The following ZNF365 variants were observed in gnomAD, a reference collection of about 807,000 sequenced individuals.
ZNF365 encodes the protein protein ZNF365.
ZNF365 carries 22 observed loss-of-function variants against 35.0 expected under a neutral mutation model. That is an observed-to-expected ratio of 0.63 (90% CI 0.45 to 0.90). ZNF365 has a LOEUF of 0.90. Among genes scored for constraint, ZNF365 ranks in the 40% least tolerant of loss-of-function variants. The pLI is 0.00. For synonymous variants in ZNF365, 188 were observed against 196.2 expected (o/e 0.96, Z 0.35); for missense variants, 448 against 500.3 (o/e 0.90, Z 1.00).
At chr10:62,417,836 T>C (rs1175717570) in intron 3 of ZNF365, among the ~76,000 whole-genome samples, 2 of 151,972 alleles carry the variant, frequency 1.3e-5, no homozygotes, top group African/African-American at 4.8e-5. Flanking sequence ...TTAAAAAGAC[T>C]GACTTTTTGT....
chr10:62,440,865 T>C (rs1404192266), intron 3 of ZNF365, among the ~76,000 whole-genome samples: 1 of 152,198 alleles, frequency 6.6e-6, no homozygotes, highest in African/African-American at 2.4e-5. Context: ...ATTAGATATT[T>C]AGTAAATAAC....
chr10:62,442,141 A>G (rs927530130), intron 3 of ZNF365, among the ~76,000 whole-genome samples: 1 of 152,216 alleles, frequency 6.6e-6, no homozygotes, highest in Non-Finnish European at 1.5e-5. Flanking sequence ...AGAGCCTTAT[A>G]TGGAAACAGA....
intron 4 of ZNF365, among the ~76,000 whole-genome samples, chr10:62,476,689 C>A (rs192679208): frequency 3.9e-5 from 6 of 152,304 alleles, no homozygotes; most frequent in African/African-American, 1.4e-4. Flanking sequence ...ATGCATAAGT[C>A]AAATGGTTAA....
At chr10:62,445,705 C>G (rs897057432) in intron 3 of ZNF365, among the ~76,000 whole-genome samples, 35 of 152,282 alleles carry the variant, frequency 2.3e-4, no homozygotes, top group Admixed American at 4.6e-4. Flanking sequence ...ACCATTTTCT[C>G]TACTTTTGTG....
Position 62,401,761 on chromosome 10 carries a change from A to G in ZNF365, c.*1972A>G. The stretch of plus-strand genomic sequence containing the variant: ...TGCAATGACAACTTGTTTCTGTTTT[A>G]TTTAAAGTAACTGACATTTTGGATT... On this transcript the variant is annotated 3_prime_UTR_variant, in exon 5 of 5. Coordinates refer to ENST00000395254, the MANE Select transcript of ZNF365 (RefSeq NM_014951.3). 2.0e-6 allele frequency: 2 copies of G among 985,466 alleles called. No individual in the cohort carries two copies. The highest frequency in any genetic ancestry group is 1.7e-5 in the African/African-American group (1 of 57,326). The allele number at this position is 985,466 out of a possible 1,614,324, so 61.0% of individuals were successfully genotyped here.
chr10:62,401,311 G>T lies in ZNF365; in HGVS notation c.*1522G>T. The T allele has an allele frequency of 1.0e-6, 1 of 985,390 alleles. No homozygotes were observed. Among genetic ancestry groups the T allele is most frequent in the Non-Finnish European group, 1.2e-6 (1 of 829,904 alleles). The allele number at this position is 985,390 out of a possible 1,614,324, so 61.0% of individuals were successfully genotyped here. A position where few individuals can be genotyped will look rare whatever the true frequency, so the allele number is the denominator to read the frequency against. ...CAAAACTGTAACGTAATTAACATTGGCAGAATTATGATTGTTACTGCAATA... is the reference window on the plus strand; with the variant it reads ...CAAAACTGTAACGTAATTAACATTGTCAGAATTATGATTGTTACTGCAATA... On this transcript the variant is annotated 3_prime_UTR_variant, in exon 5 of 5. Coordinates refer to ENST00000395254, the MANE Select transcript of ZNF365 (RefSeq NM_014951.3).
intron 4 of ZNF365, 100 bp downstream of exon 4, chr10:62,398,877 T>G: frequency 8.4e-7 from 1 of 1,192,028 alleles, no homozygotes; most frequent in East Asian, 2.6e-5. Context: ...ATATGATATC[T>G]ATATTATAAA....
At chr10:62,448,722 G>A (rs2132471000) in intron 3 of ZNF365, among the ~76,000 whole-genome samples, 1 of 152,258 alleles carries the variant, frequency 6.6e-6, no homozygotes, top group South Asian at 2.1e-4. Context: ...GATCTGGTAA[G>A]ATGAAAGCAT....
At chr10:62,463,997 T>C (rs1840890468) in intron 4 of ZNF365, among the ~76,000 whole-genome samples, 1 of 152,304 alleles carries the variant, frequency 6.6e-6, no homozygotes, top group Middle Eastern at 3.4e-3. Flanking sequence ...TGGAGCCAGG[T>C]GGACATTATC....
downstream of ZNF365, among the ~76,000 whole-genome samples, chr10:62,405,484 G>A (rs1005572627): frequency 3.3e-5 from 5 of 152,160 alleles, no homozygotes; most frequent in East Asian, 1.9e-4. Context: ...CTCCTTCACC[G>A]TGTTCTGCCT....
At chr10:62,392,186 CTCTGTGGGT>C (rs1839642297) in intron 3 of ZNF365, among the ~76,000 whole-genome samples, 1 of 152,284 alleles carries the variant, frequency 6.6e-6, no homozygotes, top group South Asian at 2.1e-4. Context: ...TTTTCTCCCA[CTCTGTGGGT>C]TGTCTGTATA....
At chr10:62,459,127 A>G (rs1361216684) in intron 3 of ZNF365, among the ~76,000 whole-genome samples, 1 of 152,222 alleles carries the variant, frequency 6.6e-6, no homozygotes, top group Non-Finnish European at 1.5e-5. Flanking sequence ...TCTACTGAGG[A>G]TGGCTAAAAC....
chr10:62,404,507 G>T (rs980632845), downstream of ZNF365, among the ~76,000 whole-genome samples: 2 of 152,074 alleles, frequency 1.3e-5, no homozygotes, highest in African/African-American at 4.8e-5. Context: ...TTTTCTCTTA[G>T]CTACTCCTTT....
At chr10:62,391,899 A>C (rs1427797223) in intron 3 of ZNF365, among the ~76,000 whole-genome samples, 1 of 152,178 alleles carries the variant, frequency 6.6e-6, no homozygotes, top group African/African-American at 2.4e-5. Flanking sequence ...TTTTCGCCAC[A>C]TCTCTGCCAA....
chr10:62,467,168 T>A (rs921625730), intron 4 of ZNF365, among the ~76,000 whole-genome samples: 1 of 152,266 alleles, frequency 6.6e-6, no homozygotes, highest in Admixed American at 6.5e-5. Flanking sequence ...TTAATTTTTT[T>A]AAAATCCAAA....
At position 62,394,860 on chromosome 10, in the gene ZNF365, G is replaced by T. The variant is rs556270454; in HGVS notation, c.925-3880G>T. Among the ~76,000 whole-genome samples, 5 of 152,278 alleles carry T rather than the reference G, an allele frequency of 3.3e-5. No individual in the cohort carries two copies. In the East Asian group the frequency reaches 9.7e-4, roughly 29 times the overall value. On this transcript the variant is annotated intron_variant, in intron 3 of 4. Transcript: ENST00000395254. ...GTAATGAGAAAAAGAGGGAAGAGAA[G>T]AGAGGGAGGGAACTAAGGTGGTTAT...
chr10:62,438,326 T>C (rs1360740166), intron 3 of ZNF365, among the ~76,000 whole-genome samples: 4 of 151,864 alleles, frequency 2.6e-5, no homozygotes, highest in Admixed American at 2.6e-4. Flanking sequence ...GTAGCTGGGA[T>C]TACAGGCGCA....
chr10:62,449,677 CA>C (rs1840646441), intron 3 of ZNF365, among the ~76,000 whole-genome samples: 1 of 152,114 alleles, frequency 6.6e-6, no homozygotes, highest in Non-Finnish European at 1.5e-5. Flanking sequence ...GAGATCTGTC[CA>C]CACTGGCAGT....
At chr10:62,465,158 T>C (rs946183227) in intron 4 of ZNF365, among the ~76,000 whole-genome samples, 2 of 152,310 alleles carry the variant, frequency 1.3e-5, no homozygotes, top group South Asian at 2.1e-4. Flanking sequence ...CGGAGCCCAC[T>C]TCAGTGCAGA....
Sources: allele counts gnomAD v4.1 joint callset (sites outside exome capture counted in the v4.1 genomes callset), GRCh38; gene constraint gnomAD v4.1.1; transcripts MANE v1.5; gene names NCBI Gene and HGNC (gene_info 2026-07-23, HGNC 2026-07-21).